Variants in PLXDC2 observed in about 807,000 individuals in gnomAD.
PLXDC2 encodes plexin domain-containing protein 2.
Under a neutral mutation model 68.9 loss-of-function variants are expected in PLXDC2, and 40 were observed. The observed-to-expected ratio is 0.58, with a 90% CI of 0.45 to 0.76. PLXDC2 has a LOEUF of 0.76. Among genes scored for constraint, PLXDC2 ranks in the 30% least tolerant of loss-of-function variants. The pLI, the probability that PLXDC2 is intolerant of heterozygous loss-of-function variation, is 0.00. For synonymous variants in PLXDC2, 243 were observed against 234.2 expected, an observed-to-expected ratio of 1.04 and a Z score of -0.34; for missense variants, 644 against 661.9, an observed-to-expected ratio of 0.97 and a Z score of 0.30.
chr10:19,916,127 T>G (rs61843665), intron 1 of PLXDC2, among the ~76,000 whole-genome samples: 1 of 118,506 alleles, frequency 8.4e-6, no homozygotes, highest in Non-Finnish European at 1.8e-5. Context: ...GGGAGTTGTG[T>G]TTTGTTTTGT....
intron 7 of PLXDC2, among the ~76,000 whole-genome samples, chr10:20,169,227 T>C (rs929475771): frequency 6.6e-6 from 1 of 152,178 alleles, no homozygotes; most frequent in Admixed American, 6.6e-5. Flanking sequence ...GTTTTGAATG[T>C]ATTTTGACAA....
At chr10:20,008,217 G>A (rs1046486537) in intron 2 of PLXDC2, among the ~76,000 whole-genome samples, 33 of 152,174 alleles carry the variant, frequency 2.2e-4, no homozygotes, top group African/African-American at 8.0e-4. Context: ...TAACTAGAAA[G>A]TCTGTTTAAG....
chr10:20,272,625 T>C (rs1480996338), intron 13 of PLXDC2, among the ~76,000 whole-genome samples: 2 of 151,990 alleles, frequency 1.3e-5, no homozygotes, highest in Non-Finnish European at 2.9e-5. Context: ...CAAGTACAGG[T>C]AAAAAGGGGT....
chr10:19,999,080 A>G (rs2131635368), intron 1 of PLXDC2, among the ~76,000 whole-genome samples: 1 of 152,282 alleles, frequency 6.6e-6, no homozygotes, highest in South Asian at 2.1e-4. Context: ...GGCAGGAAGA[A>G]AAAATAGGAA....
intron 3 of PLXDC2, among the ~76,000 whole-genome samples, chr10:20,065,574 A>G (rs1228745024): frequency 1.3e-5 from 2 of 152,182 alleles, no homozygotes; most frequent in African/African-American, 4.8e-5. Flanking sequence ...TTACATTATA[A>G]TATATAGTGA....
intron 1 of PLXDC2, among the ~76,000 whole-genome samples, chr10:19,994,855 G>C (rs1441526756): frequency 4.6e-5 from 7 of 151,676 alleles, no homozygotes; most frequent in African/African-American, 7.3e-5. Flanking sequence ...TAATTCTCCT[G>C]CCTCAGCCTC....
intron 1 of PLXDC2, among the ~76,000 whole-genome samples, chr10:19,883,081 C>T (rs536011909): frequency 7.2e-4 from 110 of 151,806 alleles, no homozygotes; most frequent in African/African-American, 2.4e-3. Flanking sequence ...CTCAGCCTCC[C>T]GAGTAGCTGG....
chr10:19,980,023 G>A (rs1256358945), intron 1 of PLXDC2, among the ~76,000 whole-genome samples: 5 of 152,146 alleles, frequency 3.3e-5, no homozygotes, highest in African/African-American at 1.2e-4. Context: ...TAATATAAAA[G>A]CATCTTAAGA....
intron 1 of PLXDC2, among the ~76,000 whole-genome samples, chr10:19,843,658 A>G (rs1240197855): frequency 6.6e-6 from 1 of 152,234 alleles, no homozygotes; most frequent in Non-Finnish European, 1.5e-5. Context: ...TAGGGGAAAT[A>G]AGGCAGGAAC....
chr10:20,264,618 GA>G (rs1835847870), intron 13 of PLXDC2, among the ~76,000 whole-genome samples: 2 of 151,202 alleles, frequency 1.3e-5, no homozygotes, highest in Admixed American at 6.6e-5. Context: ...TAGAAATACA[GA>G]AAAAAATAAT....
At chr10:20,105,988 C>T (rs184015681) in intron 4 of PLXDC2, among the ~76,000 whole-genome samples, 37 of 152,138 alleles carry the variant, frequency 2.4e-4, no homozygotes, top group Admixed American at 5.9e-4. Flanking sequence ...CCATTAATTC[C>T]ACATGTATAA....
intron 9 of PLXDC2, among the ~76,000 whole-genome samples, chr10:20,201,457 G>A (rs952941501): frequency 6.6e-6 from 1 of 151,898 alleles, no homozygotes; most frequent in Non-Finnish European, 1.5e-5. Context: ...TAGCTAGATA[G>A]GAGTAAGTTC....
In PLXDC2 at chr10:20,282,540, AAAT is replaced by A. The variant is rs1353491416; in HGVS notation, c.*2728_*2730del. 33 of 152,300 alleles carry A rather than the reference AAAT, an allele frequency of 2.2e-4. No individual in the cohort carries two copies. The highest frequency in any genetic ancestry group is 7.5e-4 in the African/African-American group (31 of 41,568). The allele number at this position is 152,300 out of a possible 1,614,324, so 9.4% of individuals were successfully genotyped here. A position where few individuals can be genotyped will look rare whatever the true frequency, so the allele number is the denominator to read the frequency against. On this transcript the variant is annotated 3_prime_UTR_variant, in exon 14 of 14. Transcript: ENST00000377252. ...GTTATTTCAGCTTAATTATTTGTAA[AAAT>A]AATAATCAGTGACTAGGTAAAGATA...
chr10:19,848,562 T>C (rs1837056083), intron 1 of PLXDC2, among the ~76,000 whole-genome samples: 1 of 152,186 alleles, frequency 6.6e-6, no homozygotes. Context: ...ACCTGAAGCA[T>C]TGGAGGGAAA....
intron 1 of PLXDC2, among the ~76,000 whole-genome samples, chr10:19,925,046 CTG>C (rs1264972532): frequency 6.6e-6 from 1 of 152,216 alleles, no homozygotes; most frequent in Admixed American, 6.5e-5. Flanking sequence ...GGTCTGCAAA[CTG>C]TGACTGTATA....
chr10:20,245,583 T>G, intron 13 of PLXDC2, 78 bp downstream of exon 13: 3 of 1,442,154 alleles, frequency 2.1e-6, no homozygotes, highest in Non-Finnish European at 2.8e-6. Flanking sequence ...CTGGATTTAA[T>G]ATTTACCACA....
At chr10:19,819,620 G>C (rs1256800426) in intron 1 of PLXDC2, among the ~76,000 whole-genome samples, 1 of 152,158 alleles carries the variant, frequency 6.6e-6, no homozygotes, top group African/African-American at 2.4e-5. Flanking sequence ...TGCTGCAGTT[G>C]ATTTCATTGC....
intron 9 of PLXDC2, among the ~76,000 whole-genome samples, chr10:20,201,540 TAAC>T (rs113849000): frequency 5.9e-5 from 9 of 151,978 alleles, no homozygotes; most frequent in African/African-American, 1.7e-4. Flanking sequence ...ACATATATAA[TAAC>T]AATATAACTA....
chr10:20,067,392 T>C (rs969306910), intron 3 of PLXDC2, among the ~76,000 whole-genome samples: 14 of 152,036 alleles, frequency 9.2e-5, no homozygotes, highest in African/African-American at 3.4e-4. Flanking sequence ...AACATGAAAA[T>C]GTCTGCAGGT....
Sources: allele counts gnomAD v4.1 joint callset (sites outside exome capture counted in the v4.1 genomes callset), GRCh38; gene constraint gnomAD v4.1.1; transcripts MANE v1.5; gene names NCBI Gene and HGNC (gene_info 2026-07-23, HGNC 2026-07-21).